The following VRK2 variants were observed in gnomAD, a reference collection of about 807,000 sequenced individuals.
VRK2 encodes serine/threonine-protein kinase VRK2.
VRK2 carries 60 observed loss-of-function variants against 57.6 expected under a neutral mutation model. The observed-to-expected ratio is 1.04, with a 90% CI of 0.85 to 1.29. VRK2 has a LOEUF of 1.29. Among genes scored for constraint, VRK2 ranks in the 50% most tolerant of loss-of-function variants. The pLI, the probability that VRK2 is intolerant of heterozygous loss-of-function variation, is 0.00. For synonymous variants in VRK2, 231 were observed against 199.2 expected, an observed-to-expected ratio of 1.16 and a Z score of -1.35; for missense variants, 705 against 588.1, an observed-to-expected ratio of 1.20 and a Z score of -2.06.
chr2:57,926,541 G>T (rs10189138), intron 1 of VRK2, among the ~76,000 whole-genome samples: 24,215 of 149,590 alleles, frequency 0.16, 2,213 homozygotes, highest in African/African-American at 0.24. Context: ...TATATATATA[G>T]AGAGAGAGAA....
At chr2:58,044,290 G>A (rs368719814), upstream of VRK2, among the ~76,000 whole-genome samples, 4 of 152,152 alleles carry the variant, frequency 2.6e-5, no homozygotes, top group African/African-American at 9.7e-5. Context: ...TTCCAAGAAT[G>A]TGTCCAGCAA....
chr2:57,980,573 C>T (rs1368388082), intron 1 of VRK2, among the ~76,000 whole-genome samples: 5 of 152,040 alleles, frequency 3.3e-5, no homozygotes, highest in Non-Finnish European at 4.4e-5. Context: ...TATCAAATTT[C>T]GGTACTGAAT....
At chr2:57,927,792 A>T (rs986937928) in intron 1 of VRK2, among the ~76,000 whole-genome samples, 4 of 152,136 alleles carry the variant, frequency 2.6e-5, no homozygotes, top group African/African-American at 9.7e-5. Flanking sequence ...TATTTGAAGG[A>T]TATTTTCACT....
chr2:57,912,198 G>T (rs1670005631), intron 1 of VRK2, among the ~76,000 whole-genome samples: 1 of 152,194 alleles, frequency 6.6e-6, no homozygotes, highest in Non-Finnish European at 1.5e-5. Flanking sequence ...TAGCAAAAGA[G>T]CTAGTTTAGG....
intron 2 of VRK2, among the ~76,000 whole-genome samples, chr2:58,080,398 T>G (rs1670689810): frequency 1.3e-5 from 2 of 152,036 alleles, no homozygotes; most frequent in African/African-American, 4.8e-5. Flanking sequence ...AAAACTTAAT[T>G]GCATTGTTTC....
intron 3 of VRK2, among the ~76,000 whole-genome samples, chr2:58,041,280 A>G (rs1210444797): frequency 1.3e-5 from 2 of 152,176 alleles, no homozygotes; most frequent in African/African-American, 4.8e-5. Context: ...ATATGCTTAA[A>G]AATTTTTTAT....
intron 11 of VRK2, among the ~76,000 whole-genome samples, chr2:58,140,554 G>C (rs1444674888): frequency 1.3e-5 from 2 of 151,886 alleles, no homozygotes; most frequent in Non-Finnish European, 2.9e-5. Context: ...CAGTAAGATA[G>C]GGTCAGGATG....
intron 8 of VRK2, among the ~76,000 whole-genome samples, chr2:58,127,037 C>T (rs960874786): frequency 6.6e-6 from 1 of 151,988 alleles, no homozygotes; most frequent in African/African-American, 2.4e-5. Flanking sequence ...TAATACCTAT[C>T]TTAATTTGAC....
intron 7 of VRK2, among the ~76,000 whole-genome samples, chr2:58,106,610 T>A (rs1388353729): frequency 1.3e-5 from 2 of 151,970 alleles, no homozygotes; most frequent in East Asian, 1.9e-4. Context: ...TCATTAAGTC[T>A]TTCACTCTCA....
chr2:57,911,944 C>T (rs1324908813), intron 1 of VRK2, among the ~76,000 whole-genome samples: 1 of 152,116 alleles, frequency 6.6e-6, no homozygotes, highest in Non-Finnish European at 1.5e-5. Flanking sequence ...AACCTGCTCT[C>T]CTAGAAGAGT....
chr2:58,047,153 G>C (rs559250886), intron 1 of VRK2: 4 of 311,616 alleles, frequency 1.3e-5, no homozygotes, highest in Non-Finnish European at 1.9e-5. Flanking sequence ...TCTTTTTGCC[G>C]GTGCAGAGAG....
At chr2:58,113,176 G>A (rs541067972) in intron 7 of VRK2, among the ~76,000 whole-genome samples, 2 of 152,114 alleles carry the variant, frequency 1.3e-5, no homozygotes, top group African/African-American at 4.8e-5. Flanking sequence ...GGGCGTGGTG[G>A]CACACGGCTG....
chr2:58,115,646 A>C (rs1336962834), intron 7 of VRK2, among the ~76,000 whole-genome samples: 1 of 152,170 alleles, frequency 6.6e-6, no homozygotes, highest in East Asian at 1.9e-4. Context: ...GTTGTTTTGT[A>C]AGGGATTGAG....
chr2:58,066,702 G>C (rs1341854358), intron 2 of VRK2, among the ~76,000 whole-genome samples: 1 of 152,070 alleles, frequency 6.6e-6, no homozygotes, highest in Non-Finnish European at 1.5e-5. Flanking sequence ...ACTGGGTTTA[G>C]AAATATCTTT....
At chr2:58,101,698 A>T (rs1168521506) in intron 7 of VRK2, among the ~76,000 whole-genome samples, 2 of 151,652 alleles carry the variant, frequency 1.3e-5, no homozygotes, top group East Asian at 1.9e-4. Context: ...CCTCTGTCTG[A>T]CTCACTGGGT....
chr2:58,115,325 C>G (rs576642687), intron 7 of VRK2, among the ~76,000 whole-genome samples: 7 of 152,140 alleles, frequency 4.6e-5, no homozygotes, highest in African/African-American at 1.7e-4. Flanking sequence ...GGGCCAGAAA[C>G]AATGGTAGTT....
chr2:58,136,880 TATCATATATATGTGTATATATATCATA>T lies in VRK2; in HGVS notation c.856+1682_856+1708del, dbSNP rs1558684712. On this transcript the variant is annotated intron_variant, in intron 10 of 12. Coordinates refer to ENST00000340157, the MANE Select transcript of VRK2 (RefSeq NM_006296.7). The stretch of plus-strand genomic sequence containing the variant: ...ATATGTGTATATATATCATATATTA[TATCATATATATGTGTATATATATCATA>T]TATATATCATATATGTGTATATATC... Among the ~76,000 whole-genome samples, 171 of 116,916 alleles carry T rather than the reference TATCATATATATGTGTATATATATCATA, an allele frequency of 1.5e-3. 2 individuals carry two copies. Among genetic ancestry groups the T allele is most frequent in the South Asian group, 3.4e-3 (13 of 3,778 alleles). 76.7% of individuals were successfully genotyped at this position (116,916 alleles called of 152,430 possible).
At chr2:57,961,210 G>C (rs565433689) in intron 1 of VRK2, among the ~76,000 whole-genome samples, 1 of 152,186 alleles carries the variant, frequency 6.6e-6, no homozygotes, top group Non-Finnish European at 1.5e-5. Flanking sequence ...AGCCAGGATG[G>C]TTTCTCTAAA....
chr2:57,924,900 G>T (rs985957268), intron 1 of VRK2, among the ~76,000 whole-genome samples: 30 of 150,724 alleles, frequency 2.0e-4, no homozygotes, highest in South Asian at 1.1e-3. Context: ...TTTTTTTAGG[G>T]TTTTTTTTTA....
Sources: gnomAD v4.1 joint callset for allele counts (sites outside exome capture counted in the v4.1 genomes callset) on GRCh38, gnomAD v4.1.1 for gene constraint, MANE v1.5 for transcripts, NCBI Gene and HGNC (gene_info 2026-07-23, HGNC 2026-07-21) for gene names.